PTPRM: variants seen among roughly 807,000 people sequenced by gnomAD.
PTPRM encodes receptor-type tyrosine-protein phosphatase mu.
PTPRM carries 47 observed loss-of-function variants against 186.7 expected under a neutral mutation model. That is an observed-to-expected ratio of 0.25 (90% CI 0.20 to 0.32). The LOEUF (loss-of-function observed/expected upper bound fraction) is 0.32. PTPRM is among the 10% of genes least tolerant of loss of function. The probability of loss-of-function intolerance (pLI) is 1.00; values close to 1 mark genes in which losing one functional copy is unlikely to be tolerated. For missense variants in PTPRM, 1,494 were observed against 1,865.0 expected (o/e 0.80, Z 3.66); for synonymous variants, 668 against 674.9 (o/e 0.99, Z 0.16).
chr18:8,026,464 G>A (rs962727111), intron 7 of PTPRM, among the ~76,000 whole-genome samples: 1 of 152,194 alleles, frequency 6.6e-6, no homozygotes, highest in Non-Finnish European at 1.5e-5. Flanking sequence ...CAAGAGAAGT[G>A]TGTTGAACAA....
At chr18:7,771,772 A>C (rs2144907261) in intron 1 of PTPRM, among the ~76,000 whole-genome samples, 1 of 152,358 alleles carries the variant, frequency 6.6e-6, no homozygotes, top group African/African-American at 2.4e-5. Flanking sequence ...GCAGATGTAG[A>C]AAGCATGCTC....
At chr18:7,675,233 C>T (rs774578399) in intron 1 of PTPRM, among the ~76,000 whole-genome samples, 4 of 152,052 alleles carry the variant, frequency 2.6e-5, no homozygotes, top group South Asian at 2.1e-4. Flanking sequence ...TTTTTGTTTT[C>T]GTTAGGGCCT....
At chr18:7,700,988 A>AAG (rs976142474) in intron 1 of PTPRM, among the ~76,000 whole-genome samples, 1 of 145,490 alleles carries the variant, frequency 6.9e-6, no homozygotes, top group African/African-American at 2.5e-5. Context: ...AAAAAAAAAA[A>AAG]AAAAAAAAGA....
chr18:8,382,161 A>G (rs2095740872), intron 29 of PTPRM, among the ~76,000 whole-genome samples: 1 of 152,214 alleles, frequency 6.6e-6, no homozygotes, highest in Admixed American at 6.5e-5. Flanking sequence ...CTACAAGAAT[A>G]GCACTCAACT....
At chr18:8,202,045 TA>T (rs1306980629) in intron 14 of PTPRM, among the ~76,000 whole-genome samples, 1 of 152,214 alleles carries the variant, frequency 6.6e-6, no homozygotes, top group Non-Finnish European at 1.5e-5. Context: ...TTAAACAACA[TA>T]AAACATTTTG....
chr18:7,650,456 C>A lies in PTPRM; in HGVS notation c.73+82565C>A, dbSNP rs902326235. Among the ~76,000 whole-genome samples the A allele has an allele frequency of 4.2e-5, 6 of 141,602 alleles. No homozygotes were observed. In the East Asian group the frequency reaches 6.6e-4, roughly 16 times the overall value. 92.9% of individuals were successfully genotyped at this position (141,602 alleles called of 152,430 possible). A position where few individuals can be genotyped will look rare whatever the true frequency, so the allele number is the denominator to read the frequency against. On this transcript the variant is annotated intron_variant, in intron 1 of 32. Transcript: ENST00000580170. ...TACAACTTTCAAATCCCCCCCCCCC[C>A]CACTGTAATTTATTGTGGTTTTGGG...
At chr18:7,921,463 C>T (rs1011676066) in intron 4 of PTPRM, among the ~76,000 whole-genome samples, 1 of 151,074 alleles carries the variant, frequency 6.6e-6, no homozygotes, top group Non-Finnish European at 1.5e-5. Flanking sequence ...TCACTGCAAG[C>T]TTTGCCTCCC....
chr18:7,756,294 T>C (rs539662388), intron 1 of PTPRM, among the ~76,000 whole-genome samples: 1 of 152,340 alleles, frequency 6.6e-6, no homozygotes, highest in Admixed American at 6.5e-5. Context: ...CTCATTCTTC[T>C]GTAAACATGC....
chr18:7,955,370 C>T lies in PTPRM; in HGVS notation c.1088C>T (p.Thr363Ile), dbSNP rs779789354. The T allele has an allele frequency of 6.2e-7, 1 of 1,614,024 alleles. No individual in the cohort carries two copies. The highest frequency in any genetic ancestry group is 8.5e-7 in the Non-Finnish European group (1 of 1,179,932). The change falls in exon 7 of 33, where the codon ACT (threonine) becomes ATT (isoleucine). Residue 363 changes from threonine to isoleucine, a missense_variant. Around this residue, in one of 3 missense-constraint regions of PTPRM, gnomAD observed 91 missense variants for 169.3 expected, o/e 0.54. Coordinates refer to ENST00000580170, the MANE Select transcript of PTPRM (RefSeq NM_001105244.2). ...VLLTRPGEGG[T>I]GSPGPALRTR... ...CTGACCAGGCCAGGGGAGGGTGGCA[C>T]TGGCTCTCCTGGTCCAGCTCTCAGG...
intron 32 of PTPRM, chr18:8,404,650 T>G: frequency 6.6e-6 from 1 of 152,228 alleles, no homozygotes; most frequent in East Asian, 1.9e-4. Flanking sequence ...TTTGGCAAAA[T>G]GAAAAGTAAT....
chr18:8,221,468 G>A (rs904893261), intron 14 of PTPRM, among the ~76,000 whole-genome samples: 2 of 152,230 alleles, frequency 1.3e-5, no homozygotes, highest in African/African-American at 4.8e-5. Context: ...AAGGAAAAAT[G>A]ATTAGTGAAT....
intron 1 of PTPRM, among the ~76,000 whole-genome samples, chr18:7,602,905 A>AATTATT (rs71354561): frequency 0.072 from 10,192 of 141,602 alleles, 503 homozygotes; most frequent in African/African-American, 0.13. Flanking sequence ...ATGTATTTGG[A>AATTATT]ATTATTATTA....
chr18:8,051,419 T>C (rs1253777577), intron 7 of PTPRM, among the ~76,000 whole-genome samples: 2 of 152,244 alleles, frequency 1.3e-5, no homozygotes, highest in African/African-American at 4.8e-5. Flanking sequence ...TTCCCCTAAC[T>C]GTAGTCTTCT....
At chr18:8,197,873 G>A (rs879533917) in intron 14 of PTPRM, among the ~76,000 whole-genome samples, 12 of 152,104 alleles carry the variant, frequency 7.9e-5, no homozygotes, top group Non-Finnish European at 1.5e-4. Flanking sequence ...TTTGACTGCC[G>A]ACACACTCTC....
intron 1 of PTPRM, among the ~76,000 whole-genome samples, chr18:7,711,713 G>A (rs1454759791): frequency 6.6e-6 from 1 of 152,186 alleles, no homozygotes; most frequent in Non-Finnish European, 1.5e-5. Flanking sequence ...AACAAAGCCT[G>A]GGGGAAGTTC....
chr18:7,919,715 G>A (rs151006502), intron 4 of PTPRM, among the ~76,000 whole-genome samples: 47 of 152,164 alleles, frequency 3.1e-4, no homozygotes, highest in African/African-American at 8.7e-4. Context: ...TTCTATAGAC[G>A]TCAGTTATGA....
intron 14 of PTPRM, among the ~76,000 whole-genome samples, chr18:8,195,967 T>TA (rs2093772912): frequency 1.3e-5 from 2 of 152,344 alleles, no homozygotes; most frequent in South Asian, 2.1e-4. Flanking sequence ...ACTCCTTATC[T>TA]AAACTTAGGT....
At chr18:8,056,585 A>G (rs111820048) in intron 7 of PTPRM, among the ~76,000 whole-genome samples, 12,495 of 151,816 alleles carry the variant, frequency 0.082, 1,195 homozygotes, top group African/African-American at 0.23. Context: ...TTGTGCCACC[A>G]CACTCCAGCC....
intron 9 of PTPRM, among the ~76,000 whole-genome samples, chr18:8,085,296 A>G (rs1466477024): frequency 1.3e-5 from 2 of 152,074 alleles, no homozygotes; most frequent in Non-Finnish European, 2.9e-5. Flanking sequence ...TAGATTAAAG[A>G]TGAGGCCTTA....
Sources: gnomAD v4.1 joint callset for allele counts (sites outside exome capture counted in the v4.1 genomes callset) on GRCh38, gnomAD v4.1.1 for gene constraint, gnomAD v4.1.1 regional missense constraint, MANE v1.5 for transcripts, NCBI Gene and HGNC (gene_info 2026-07-23, HGNC 2026-07-21) for gene names.